Variants in PLEKHM3 observed in about 807,000 individuals in gnomAD.
PLEKHM3 encodes pleckstrin homology domain-containing family M member 3.
PLEKHM3 carries 45 observed loss-of-function variants against 81.8 expected under a neutral mutation model. The ratio of observed to expected loss-of-function variants is 0.55; its 90% CI spans 0.43 to 0.71. PLEKHM3 has a LOEUF of 0.71. Ranked by LOEUF, PLEKHM3 falls within the 30% of genes least tolerant of loss-of-function variation. PLEKHM3 has a pLI of 0.00. For synonymous variants in PLEKHM3, 352 were observed against 356.4 expected (o/e 0.99, Z 0.14); for missense variants, 788 against 924.3 (o/e 0.85, Z 1.91).
At chr2:207,879,662 T>G (rs10183224) in intron 6 of PLEKHM3, among the ~76,000 whole-genome samples, 4,579 of 152,236 alleles carry the variant, frequency 0.03, 223 homozygotes, top group African/African-American at 0.1. Context: ...GACTTCAGAA[T>G]AACCTCTAGG....
At position 207,847,039 on chromosome 2, in the gene PLEKHM3, A is replaced by T. The variant is rs184837295; in HGVS notation, c.2108+14066T>A. ...ACAGCAAAAAATTAAGCTGTCTGAA[A>T]TGCTTAAAGCTAAGATGATCAATAC... On this transcript the variant is annotated intron_variant, in intron 7 of 7. Transcript: ENST00000427836. Among the ~76,000 whole-genome samples the T allele has an allele frequency of 1.4e-3, 220 of 152,358 alleles. 1 individual carries two copies. Among genetic ancestry groups the T allele is most frequent in the African/African-American group, 5.2e-3 (216 of 41,582 alleles).
intron 2 of PLEKHM3, among the ~76,000 whole-genome samples, chr2:207,981,259 G>A (rs967186822): frequency 5.9e-5 from 9 of 152,026 alleles, no homozygotes; most frequent in African/African-American, 2.2e-4. Context: ...AATATATTGT[G>A]TATGATATAA....
At chr2:207,952,493 C>A (rs1456646277) in intron 3 of PLEKHM3, among the ~76,000 whole-genome samples, 6 of 152,220 alleles carry the variant, frequency 3.9e-5, no homozygotes, top group African/African-American at 1.4e-4. Context: ...AATAACTTAG[C>A]TTTCCTAGCT....
chr2:207,981,502 T>C (rs576440704), intron 2 of PLEKHM3, among the ~76,000 whole-genome samples: 1 of 152,124 alleles, frequency 6.6e-6, no homozygotes, highest in East Asian at 1.9e-4. Context: ...CACATCATGA[T>C]ACCTGGCTTA....
intron 4 of PLEKHM3, among the ~76,000 whole-genome samples, chr2:207,932,372 T>C (rs1456835759): frequency 6.6e-6 from 1 of 152,232 alleles, no homozygotes; most frequent in Non-Finnish European, 1.5e-5. Flanking sequence ...AGATGTAGAT[T>C]GGCTACTAAT....
chr2:207,944,598 C>G (rs141569918), intron 4 of PLEKHM3, among the ~76,000 whole-genome samples: 1 of 152,292 alleles, frequency 6.6e-6, no homozygotes, highest in African/African-American at 2.4e-5. Context: ...TATTTCATCT[C>G]TTTAAGATCA....
At chr2:207,996,011 T>C (rs1422782997) in intron 2 of PLEKHM3, among the ~76,000 whole-genome samples, 1 of 152,204 alleles carries the variant, frequency 6.6e-6, no homozygotes, top group African/African-American at 2.4e-5. Flanking sequence ...ACCACAGTGA[T>C]CTCACCAGGC....
At chr2:207,861,373 T>A in intron 6 of PLEKHM3, 111 bp from the exon 7 acceptor site, 1 of 1,224,524 alleles carries the variant, frequency 8.2e-7, no homozygotes, top group South Asian at 1.6e-5. Context: ...AACCTCTAAT[T>A]ATAATTTCTC....
intron 7 of PLEKHM3, among the ~76,000 whole-genome samples, chr2:207,854,478 TA>T (rs2092428228): frequency 6.6e-6 from 1 of 152,352 alleles, no homozygotes; most frequent in African/African-American, 2.4e-5. Context: ...AATTTATTTT[TA>T]TTTATCACAT....
chr2:207,866,008 G>T (rs1455138859), intron 6 of PLEKHM3, among the ~76,000 whole-genome samples: 1 of 150,632 alleles, frequency 6.6e-6, no homozygotes, highest in East Asian at 2.0e-4. Context: ...CCCTGCCCTA[G>T]ACTTTTATCT....
intron 7 of PLEKHM3, among the ~76,000 whole-genome samples, chr2:207,842,019 G>C (rs2092357175): frequency 6.6e-6 from 1 of 152,098 alleles, no homozygotes; most frequent in African/African-American, 2.4e-5. Context: ...CTCACTGCAA[G>C]CTCCGCCTCC....
At position 207,989,311 on chromosome 2, in the gene PLEKHM3, G is replaced by T. The variant is rs1013935747; in HGVS notation, c.610+11719C>A. On this transcript the variant is annotated intron_variant, in intron 2 of 7. Coordinates refer to ENST00000427836, the MANE Select transcript of PLEKHM3 (RefSeq NM_001080475.3). The stretch of plus-strand genomic sequence containing the variant: ...TAAAGTACTCAGAGCCTTCTAACAC[G>T]CAAGAGAAGAAAGAGAGGGCTTTTG... Among the ~76,000 whole-genome samples the T allele has an allele frequency of 2.0e-5, 3 of 152,298 alleles. No individual in the cohort carries two copies. The South Asian group carries it at 6.2e-4, about 32-fold the overall frequency.
intron 2 of PLEKHM3, among the ~76,000 whole-genome samples, chr2:207,999,424 T>G (rs1314243899): frequency 1.3e-5 from 2 of 151,934 alleles, no homozygotes; most frequent in Non-Finnish European, 2.9e-5. Context: ...AGACCAGCCA[T>G]AGCAACATAG....
intron 2 of PLEKHM3, among the ~76,000 whole-genome samples, chr2:207,998,693 C>A (rs978461562): frequency 6.6e-6 from 1 of 152,114 alleles, no homozygotes; most frequent in Non-Finnish European, 1.5e-5. Context: ...GTCTGTTGAG[C>A]ACTCAAAGGA....
chr2:207,906,939 G>C (rs1355707527), intron 6 of PLEKHM3, among the ~76,000 whole-genome samples: 1 of 152,172 alleles, frequency 6.6e-6, no homozygotes, highest in Non-Finnish European at 1.5e-5. Context: ...TGGTTTTTAA[G>C]TTGACCTAAA....
At chr2:207,974,362 G>C (rs534987558) in intron 3 of PLEKHM3, among the ~76,000 whole-genome samples, 1 of 152,140 alleles carries the variant, frequency 6.6e-6, no homozygotes, top group Non-Finnish European at 1.5e-5. Flanking sequence ...GGAATGCTAC[G>C]AATGCAGTGC....
At position 207,858,182 on chromosome 2, in the gene PLEKHM3, T is replaced by TA. The variant is rs61059149; in HGVS notation, c.2108+2922_2108+2923insT. ...TGTGTGTGTGTGTGTGTGTATATAT[T>TA]TTTTTTTTTGAGATGAAGTCTCACT... is the stretch of plus-strand genomic sequence containing the variant. On this transcript the variant is annotated intron_variant, in intron 7 of 7. Coordinates refer to ENST00000427836, the MANE Select transcript of PLEKHM3 (RefSeq NM_001080475.3). 8.8e-3 allele frequency among the ~76,000 whole-genome samples: 1,108 copies of TA among 125,602 alleles called. 14 individuals carry two copies. The highest frequency in any genetic ancestry group is 0.031 in the African/African-American group (910 of 29,612). 82.4% of individuals were successfully genotyped at this position (125,602 alleles called of 152,430 possible).
At chr2:207,964,039 C>T (rs1690828227) in intron 3 of PLEKHM3, among the ~76,000 whole-genome samples, 1 of 152,070 alleles carries the variant, frequency 6.6e-6, no homozygotes, top group South Asian at 2.1e-4. Context: ...TGGTGAAACC[C>T]CGTCTCTACT....
At chr2:207,879,616 C>T (rs1444556019) in intron 6 of PLEKHM3, among the ~76,000 whole-genome samples, 1 of 152,134 alleles carries the variant, frequency 6.6e-6, no homozygotes. Flanking sequence ...ACACAGAGGG[C>T]AAATGGAGAA....
Sources: allele counts gnomAD v4.1 joint callset (sites outside exome capture counted in the v4.1 genomes callset), GRCh38; gene constraint gnomAD v4.1.1; transcripts MANE v1.5; gene names NCBI Gene and HGNC (gene_info 2026-07-23, HGNC 2026-07-21).